PTPRM: variants seen among roughly 807,000 people sequenced by gnomAD.
The protein encoded by PTPRM is receptor-type tyrosine-protein phosphatase mu.
A neutral mutation model predicts 186.7 loss-of-function variants in PTPRM; 47 were observed. The ratio of observed to expected loss-of-function variants is 0.25; its 90% CI spans 0.20 to 0.32. The LOEUF (loss-of-function observed/expected upper bound fraction) is 0.32. PTPRM is among the 10% of genes least tolerant of loss of function. PTPRM has a pLI of 1.00. For synonymous variants in PTPRM, 668 were observed against 674.9 expected (o/e 0.99, Z 0.16); for missense variants, 1,494 against 1,865.0 (o/e 0.80, Z 3.66).
At chr18:7,681,506 C>G (rs901568963) in intron 1 of PTPRM, among the ~76,000 whole-genome samples, 1 of 151,768 alleles carries the variant, frequency 6.6e-6, no homozygotes, top group African/African-American at 2.4e-5. Context: ...ATGTTTTTAG[C>G]ATCAGTTCGT....
chr18:8,017,684 G>A (rs907946143), intron 7 of PTPRM: 5 of 151,640 alleles, frequency 3.3e-5, no homozygotes, highest in African/African-American at 1.2e-4. Flanking sequence ...GTTTTGCTTT[G>A]GAGTGAGGAA....
intron 2 of PTPRM, among the ~76,000 whole-genome samples, chr18:7,873,178 A>G (rs1347659186): frequency 6.6e-6 from 1 of 152,158 alleles, no homozygotes; most frequent in Admixed American, 6.6e-5. Context: ...TTTAACTTTT[A>G]TTTTTAAATA....
chr18:7,746,059 G>C (rs1364734675), intron 1 of PTPRM, among the ~76,000 whole-genome samples: 2 of 152,114 alleles, frequency 1.3e-5, no homozygotes, highest in Non-Finnish European at 2.9e-5. Flanking sequence ...GGAGAGAATA[G>C]GGGGATAAAG....
chr18:8,199,433 G>A lies in PTPRM; in HGVS notation c.2301-44625G>A, dbSNP rs16953032. Among the ~76,000 whole-genome samples, 297 of 152,256 alleles carry A rather than the reference G, an allele frequency of 2.0e-3. 1 individual carries two copies. Among genetic ancestry groups the A allele is most frequent in the African/African-American group, 6.8e-3 (282 of 41,556 alleles). ...TTACACCCTGAATAACATTGCAAAA[G>A]GATAGTGCGCTGTGTCTGCCGGTCA... On this transcript the variant is annotated intron_variant, in intron 14 of 32. Coordinates refer to ENST00000580170, the MANE Select transcript of PTPRM (RefSeq NM_001105244.2).
chr18:8,044,773 A>AG (rs1359725343), intron 7 of PTPRM, among the ~76,000 whole-genome samples: 5 of 150,464 alleles, frequency 3.3e-5, no homozygotes, highest in African/African-American at 4.9e-5. Context: ...AAAAAAAAAA[A>AG]GAAAAAACAG....
intron 7 of PTPRM, among the ~76,000 whole-genome samples, chr18:8,035,494 T>A (rs760525646): frequency 5.9e-5 from 9 of 152,212 alleles, no homozygotes; most frequent in Non-Finnish European, 1.2e-4. Flanking sequence ...ATCTCTAGAT[T>A]GTATATATTA....
chr18:7,778,755 C>T (rs1394058430), intron 2 of PTPRM, among the ~76,000 whole-genome samples: 2 of 152,182 alleles, frequency 1.3e-5, no homozygotes, highest in East Asian at 3.8e-4. Context: ...TCTAGGATTA[C>T]AGGCATGAGC....
chr18:7,585,739 T>A (rs141712174), intron 1 of PTPRM, among the ~76,000 whole-genome samples: 168 of 152,326 alleles, frequency 1.1e-3, no homozygotes, highest in African/African-American at 4.0e-3. Context: ...ACTCCTCTTG[T>A]AGTGGCATTG....
intron 1 of PTPRM, among the ~76,000 whole-genome samples, chr18:7,592,700 A>G (rs1312572127): frequency 6.6e-6 from 1 of 152,208 alleles, no homozygotes; most frequent in African/African-American, 2.4e-5. Flanking sequence ...TGGGAGGGTA[A>G]AAATTGGAGT....
chr18:8,135,413 G>GT (rs1445920381), intron 13 of PTPRM, among the ~76,000 whole-genome samples: 6 of 152,066 alleles, frequency 3.9e-5, no homozygotes, highest in Admixed American at 6.6e-5. Flanking sequence ...TCTAGAGTTG[G>GT]TTTTTTCTCC....
chr18:7,596,359 T>G (rs78355056), intron 1 of PTPRM, among the ~76,000 whole-genome samples: 1 of 152,302 alleles, frequency 6.6e-6, no homozygotes, highest in East Asian at 1.9e-4. Context: ...TATGAATCGT[T>G]TACTTCTGGA....
At chr18:7,600,255 A>G (rs2037367044) in intron 1 of PTPRM, among the ~76,000 whole-genome samples, 1 of 152,182 alleles carries the variant, frequency 6.6e-6, no homozygotes, top group South Asian at 2.1e-4. Context: ...GGTAATAAAC[A>G]TCCGGGGCTG....
At chr18:7,848,599 C>G (rs2046712069) in intron 2 of PTPRM, among the ~76,000 whole-genome samples, 1 of 151,908 alleles carries the variant, frequency 6.6e-6, no homozygotes, top group Admixed American at 6.6e-5. Context: ...CGGTGAAACC[C>G]TGTCTCTACT....
intron 30 of PTPRM, 105 bp downstream of exon 30, chr18:8,384,791 G>T: frequency 6.8e-7 from 1 of 1,463,380 alleles, no homozygotes. Flanking sequence ...CCAGGAGTTT[G>T]GAGTATGTCA....
In PTPRM at chr18:8,085,678, A is replaced by G. The variant is rs776966730; in HGVS notation, c.1559A>G (p.Tyr520Cys). The G allele has an allele frequency of 1.3e-6, 2 of 1,598,810 alleles. No homozygotes were observed. Among genetic ancestry groups the G allele is most frequent in the Admixed American group, 1.7e-5 (1 of 59,914 alleles). ...YGVITLYEIT[Y>C]KAVSSFDPEI... ...TTTCTCATTCTTTTGCAGATCACCT[A>G]CAAAGCAGTCAGTTCCTTTGACCCA... Residue 520 changes from tyrosine to cysteine, a missense_variant, in exon 10 of 33, where the codon TAC becomes TGC. Coordinates refer to ENST00000580170, the MANE Select transcript of PTPRM (RefSeq NM_001105244.2).
At chr18:8,140,826 A>C (rs867241977) in intron 13 of PTPRM, among the ~76,000 whole-genome samples, 9 of 152,212 alleles carry the variant, frequency 5.9e-5, no homozygotes, top group African/African-American at 2.2e-4. Context: ...ATTTATACGA[A>C]AAAAAGGAAA....
chr18:7,827,642 G>T (rs1340589651), intron 2 of PTPRM, among the ~76,000 whole-genome samples: 2 of 152,186 alleles, frequency 1.3e-5, no homozygotes, highest in African/African-American at 2.4e-5. Context: ...ACCTAGATTT[G>T]TACATCAGAA....
At chr18:7,641,327 G>A (rs2038437726) in intron 1 of PTPRM, among the ~76,000 whole-genome samples, 1 of 152,160 alleles carries the variant, frequency 6.6e-6, no homozygotes, top group African/African-American at 2.4e-5. Context: ...ATTATCCTTA[G>A]TGAATTCTTA....
intron 13 of PTPRM, among the ~76,000 whole-genome samples, chr18:8,141,900 T>C (rs1250043476): frequency 6.6e-6 from 1 of 152,228 alleles, no homozygotes; most frequent in Non-Finnish European, 1.5e-5. Context: ...AAATGTTACT[T>C]CTTTTTGTAT....
Sources: gnomAD v4.1 joint callset for allele counts (sites outside exome capture counted in the v4.1 genomes callset) on GRCh38, gnomAD v4.1.1 for gene constraint, MANE v1.5 for transcripts, NCBI Gene and HGNC (gene_info 2026-07-23, HGNC 2026-07-21) for gene names.